The following CEMIP2 variants were observed in gnomAD, a reference collection of about 807,000 sequenced individuals.
CEMIP2 encodes the protein cell surface hyaluronidase CEMIP2.
In CEMIP2, 79 loss-of-function variants were observed where a neutral mutation model predicts 146.9. The observed-to-expected ratio is 0.54, with a 90% CI of 0.45 to 0.65. The LOEUF (loss-of-function observed/expected upper bound fraction) is 0.65. Among genes scored for constraint, CEMIP2 ranks in the 30% least tolerant of loss-of-function variants. CEMIP2 has a pLI of 0.00. For missense variants in CEMIP2, 1,596 were observed against 1,696.2 expected, an observed-to-expected ratio of 0.94 and a Z score of 1.04; for synonymous variants, 601 against 606.3, an observed-to-expected ratio of 0.99 and a Z score of 0.13.
intron 10 of CEMIP2, among the ~76,000 whole-genome samples, chr9:71,728,798 T>C (rs568335845): frequency 0.074 from 10,631 of 143,258 alleles, 530 homozygotes; most frequent in South Asian, 0.21. Context: ...AAAGCTAAGG[T>C]CTTTTTTGTG....
At chr9:71,741,563 T>C (rs889211099) in intron 4 of CEMIP2, among the ~76,000 whole-genome samples, 4 of 151,990 alleles carry the variant, frequency 2.6e-5, no homozygotes, top group African/African-American at 9.7e-5. Context: ...TTTTAAATTT[T>C]ATATACTATA....
chr9:71,714,408 C>T (rs1039060394), intron 15 of CEMIP2, among the ~76,000 whole-genome samples: 1 of 151,612 alleles, frequency 6.6e-6, no homozygotes, highest in Admixed American at 6.6e-5. Context: ...CTACCCCATT[C>T]CCTTCAACAT....
chr9:71,731,271 T>G (rs1823608928), intron 7 of CEMIP2, among the ~76,000 whole-genome samples: 1 of 152,244 alleles, frequency 6.6e-6, no homozygotes, highest in South Asian at 2.1e-4. Context: ...TAAATAGTTA[T>G]TTATTTCTAG....
chr9:71,739,361 C>CAAAAAA (rs71353516), intron 5 of CEMIP2, among the ~76,000 whole-genome samples: 10 of 42,838 alleles, frequency 2.3e-4, no homozygotes, highest in Admixed American at 8.1e-4. Context: ...GACTCTGTCT[C>CAAAAAA]AAAAAAAAAA....
intron 13 of CEMIP2, 63 bp downstream of exon 13, chr9:71,717,885 A>T: frequency 1.4e-6 from 2 of 1,478,576 alleles, no homozygotes; most frequent in Non-Finnish European, 1.8e-6. Flanking sequence ...TACTGGCTTT[A>T]AAAAAAATCT....
intron 1 of CEMIP2, among the ~76,000 whole-genome samples, chr9:71,759,800 G>T (rs1745319401): frequency 8.6e-6 from 1 of 116,670 alleles, no homozygotes; most frequent in Admixed American, 1.3e-4. Flanking sequence ...AGGGATAATT[G>T]TTCTCCTTGT....
intron 1 of CEMIP2, among the ~76,000 whole-genome samples, chr9:71,756,675 C>A (rs1390889695): frequency 2.6e-5 from 4 of 151,946 alleles, no homozygotes; most frequent in African/African-American, 9.7e-5. Context: ...AACAATACTA[C>A]TTAAAGCAAA....
chr9:71,719,445 T>C (rs1049355317), intron 12 of CEMIP2, among the ~76,000 whole-genome samples: 1 of 152,054 alleles, frequency 6.6e-6, no homozygotes, highest in Non-Finnish European at 1.5e-5. Flanking sequence ...GGAAATGCAA[T>C]GGGAAGTCAA....
intron 21 of CEMIP2, among the ~76,000 whole-genome samples, chr9:71,694,099 T>TTTTATTTATTTATTTA (rs77361296): frequency 2.7e-5 from 4 of 145,586 alleles, no homozygotes; most frequent in African/African-American, 7.6e-5. Context: ...TGTTGTTTAT[T>TTTTATTTATTTATTTA]TTTATTTATT....
At chr9:71,702,091 G>A (rs1440772559) in intron 18 of CEMIP2, among the ~76,000 whole-genome samples, 1 of 151,786 alleles carries the variant, frequency 6.6e-6, no homozygotes, top group Non-Finnish European at 1.5e-5. Context: ...AACCACATCT[G>A]TATAAAAAGT....
intron 1 of CEMIP2, among the ~76,000 whole-genome samples, chr9:71,755,382 A>ACACACACACACACAC (rs1564027281): frequency 1.1e-5 from 1 of 92,870 alleles, no homozygotes; most frequent in Non-Finnish European, 2.2e-5. Context: ...CACACACACA[A>ACACACACACACACAC]AATTAAATCA....
At position 71,729,877 on chromosome 9, in the gene CEMIP2, T is replaced by C. The variant is rs1357862944; in HGVS notation, c.2017A>G (p.Asn673Asp). Residue 673 changes from asparagine (N) to aspartate (D), a missense_variant, in exon 10 of 24, where the codon AAT becomes GAT. Physicochemically the swap from Asn to Asp is conservative, Grantham distance 23. Coordinates refer to ENST00000377044, the MANE Select transcript of CEMIP2 (RefSeq NM_013390.3). Reference sequence around the variant, plus strand: ...CCTGCAGCTGCATTATTAATCAGATTATTGTTGGGATGAGCAATCCAGAAA... The same window carrying C: ...CCTGCAGCTGCATTATTAATCAGATCATTGTTGGGATGAGCAATCCAGAAA... Reference protein sequence around the residue: ...STFWIAHPNNNLINNAAAGSQ... With the variant: ...STFWIAHPNNDLINNAAAGSQ... 6.2e-7 allele frequency: 1 copy of C among 1,614,204 alleles called. No individual in the cohort carries two copies. Among genetic ancestry groups the C allele is most frequent in the East Asian group, 2.2e-5 (1 of 44,884 alleles).
chr9:71,700,547 C>T, intron 19 of CEMIP2, 95 bp downstream of exon 19: 1 of 1,288,300 alleles, frequency 7.8e-7, no homozygotes, highest in Non-Finnish European at 1.1e-6. Context: ...CCCACATCAG[C>T]TGCTTCACTA....
intron 7 of CEMIP2, 135 bp downstream of exon 7, chr9:71,732,216 C>T: frequency 1.1e-6 from 1 of 893,670 alleles, no homozygotes; most frequent in Non-Finnish European, 1.7e-6. Flanking sequence ...CTAAAACCTC[C>T]TCATTGTCAT....
Position 71,728,272 on chromosome 9 carries a change from T to A in CEMIP2, c.2049+1573A>T, listed in dbSNP as rs7019870. On this transcript the variant is annotated intron_variant, in intron 10 of 23. Coordinates refer to ENST00000377044, the MANE Select transcript of CEMIP2 (RefSeq NM_013390.3). Reference sequence around the variant, plus strand: ...ATATGTATATACACGTATATATATATATATATATGTATATATATATATATA... The same window carrying A: ...ATATGTATATACACGTATATATATAAATATATATGTATATATATATATATA... Among the ~76,000 whole-genome samples, 19 of 9,824 alleles carry A rather than the reference T, an allele frequency of 1.9e-3. 2 individuals carry two copies. Among genetic ancestry groups the A allele is most frequent in the South Asian group, 0.016 (4 of 248 alleles). The allele number at this position is 9,824 out of a possible 152,430, so 6.4% of individuals were successfully genotyped here.
rs1822009407 is a variant in CEMIP2, at chr9:71,684,958, G to C, written c.*239C>G. On this transcript the variant is annotated 3_prime_UTR_variant, in exon 24 of 24. Transcript: ENST00000377044. ...CGGGGGTGGAAAGTGAGGAATAAGAGATCTGCTCTCTGAATACACCAGCCT... is the reference window on the plus strand; with the variant it reads ...CGGGGGTGGAAAGTGAGGAATAAGACATCTGCTCTCTGAATACACCAGCCT... The C allele has an allele frequency of 2.3e-6, 1 of 440,442 alleles. No homozygotes were observed. The highest frequency in any genetic ancestry group is 4.0e-6 in the Non-Finnish European group (1 of 249,700). The allele number at this position is 440,442 out of a possible 1,614,324, so 27.3% of individuals were successfully genotyped here.
rs74542694 is a variant in CEMIP2 at position 71,724,887 on chromosome 9, G to T, written c.2178+694C>A. Among the ~76,000 whole-genome samples, 336 of 152,236 alleles carry T rather than the reference G, an allele frequency of 2.2e-3. 7 individuals carry two copies. In the East Asian group the frequency reaches 0.024, roughly 11 times the overall value. On this transcript the variant is annotated intron_variant, in intron 11 of 23. Coordinates refer to ENST00000377044, the MANE Select transcript of CEMIP2 (RefSeq NM_013390.3). ...ATATTATTTAATGTGTACCTCCCTA[G>T]AAACAGGTAACGACATTAAAGATTG...
chr9:71,728,225 CTCTCTCTA>C (rs1161351545), intron 10 of CEMIP2, among the ~76,000 whole-genome samples: 275 of 19,868 alleles, frequency 0.014, 13 homozygotes, highest in Middle Eastern at 0.045. Context: ...CTCTCTCTCT[CTCTCTCTA>C]TATATATATA....
rs1472823743 is a variant in CEMIP2 at position 71,722,623 on chromosome 9, G to T, written c.2179-108C>A. On this transcript the variant is annotated intron_variant, in intron 11 of 23. Transcript: ENST00000377044. ...TAGCTTATCACTTCTACCAAAAAAA[G>T]TGGGGCAGGGAATCAACAGCAAAGG... The T allele has an allele frequency of 1.2e-5, 9 of 775,558 alleles. No homozygotes were observed. The East Asian group carries it at 2.4e-4, about 20-fold the overall frequency. The allele number at this position is 775,558 out of a possible 1,614,324, so 48.0% of individuals were successfully genotyped here.
Sources: gnomAD v4.1 joint callset for allele counts (sites outside exome capture counted in the v4.1 genomes callset) on GRCh38, gnomAD v4.1.1 for gene constraint, MANE v1.5 for transcripts, NCBI Gene and HGNC (gene_info 2026-07-23, HGNC 2026-07-21) for gene names.